The following RD3 variants were observed in gnomAD, a reference collection of about 807,000 sequenced individuals.
The protein encoded by RD3 is RD3 regulator of GUCY2D.
A neutral mutation model predicts 16.9 loss-of-function variants in RD3; 11 were observed. That is an observed-to-expected ratio of 0.65 (90% CI 0.41 to 1.08). The LOEUF (loss-of-function observed/expected upper bound fraction) is 1.08, where lower values mean the gene tolerates loss of function less well. RD3 is among the 50% of genes least tolerant of loss of function. The pLI, the probability that RD3 is intolerant of heterozygous loss-of-function variation, is 0.00. For missense variants in RD3, 274 were observed against 267.4 expected, an observed-to-expected ratio of 1.02 and a Z score of -0.17; for synonymous variants, 116 against 114.8, an observed-to-expected ratio of 1.01 and a Z score of -0.07.
intron 1 of RD3, among the ~76,000 whole-genome samples, chr1:211,483,682 G>T (rs1705320793): frequency 6.6e-6 from 1 of 151,942 alleles, no homozygotes; most frequent in Non-Finnish European, 1.5e-5. Context: ...TGTGTGTACT[G>T]GGGGGTGGGA....
intron 1 of RD3, 108 bp from the exon 2 acceptor site, chr1:211,481,534 G>A: frequency 1.0e-6 from 1 of 996,424 alleles, no homozygotes; most frequent in Non-Finnish European, 1.5e-6. Flanking sequence ...CAGGAGAGAA[G>A]ACCTGCTCTG....
intron 1 of RD3, among the ~76,000 whole-genome samples, chr1:211,487,047 T>G (rs957813811): frequency 2.0e-5 from 3 of 152,154 alleles, no homozygotes; most frequent in African/African-American, 7.2e-5. Context: ...CATTTGGACA[T>G]GCTGAGCTGA....
intron 1 of RD3, among the ~76,000 whole-genome samples, chr1:211,483,369 G>A (rs1012137555): frequency 1.3e-5 from 2 of 149,754 alleles, no homozygotes; most frequent in African/African-American, 5.1e-5. Context: ...GGCTGAGGCA[G>A]GAGAATTGCT....
At chr1:211,490,791 A>G (rs2088734035) in intron 1 of RD3, among the ~76,000 whole-genome samples, 1 of 152,054 alleles carries the variant, frequency 6.6e-6, no homozygotes, top group Non-Finnish European at 1.5e-5. Context: ...CTCAAGAGAC[A>G]ACTCCTCCCT....
At chr1:211,489,789 G>C (rs762192931) in intron 1 of RD3, among the ~76,000 whole-genome samples, 5 of 152,086 alleles carry the variant, frequency 3.3e-5, no homozygotes, top group Non-Finnish European at 7.4e-5. Context: ...TCTGGTCACC[G>C]TGTTGGGAGA....
rs886045895 is a variant in RD3 at position 211,477,481 on chromosome 1, A to G, written c.*1555T>C. 1 of 151,988 alleles carries G rather than the reference A, an allele frequency of 6.6e-6. No individual in the cohort carries two copies. Among genetic ancestry groups the G allele is most frequent in the Non-Finnish European group, 1.5e-5 (1 of 67,996 alleles). The allele number at this position is 151,988 out of a possible 1,614,324, so 9.4% of individuals were successfully genotyped here. On this transcript the variant is annotated 3_prime_UTR_variant, in exon 3 of 3. Transcript: ENST00000680073. Reference sequence around the variant, plus strand: ...AAAAAAAAAAAAAAGTTTGGCAACCAAGTGAACTTTTTATGTCTTCAAATA... The same window carrying G: ...AAAAAAAAAAAAAAGTTTGGCAACCGAGTGAACTTTTTATGTCTTCAAATA...
intron 2 of RD3, 43 bp from the exon 3 acceptor site, chr1:211,479,370 G>A (rs1163035325): frequency 2.6e-6 from 4 of 1,562,896 alleles, no homozygotes; most frequent in Non-Finnish European, 3.5e-6. Context: ...ACCCACAACA[G>A]CGGGTCTGGC....
chr1:211,484,285 A>G (rs999777244), intron 1 of RD3, among the ~76,000 whole-genome samples: 6 of 152,202 alleles, frequency 3.9e-5, no homozygotes, highest in African/African-American at 1.4e-4. Flanking sequence ...TGAATGAATG[A>G]ATGCCCGAAC....
rs1374882349 is a variant in RD3, at chr1:211,479,047, T to C, written c.577A>G (p.Lys193Glu). The C allele has an allele frequency of 2.5e-6, 4 of 1,599,748 alleles. No individual in the cohort carries two copies. The South Asian group carries it at 4.4e-5, about 18-fold the overall frequency. ...GGAAGCGGCCGGGGTCAGTCGGCTT[T>C]GGGCGCCCGGAATTCGGGCATGCTC... ...SWSMPEFRAPKAD is the reference protein window; with the variant it reads ...SWSMPEFRAPEAD Residue 193 changes from lysine (K) to glutamate (E), a missense_variant, in exon 3 of 3, where the codon AAA becomes GAA. Coordinates refer to ENST00000680073, the MANE Select transcript of RD3 (RefSeq NM_001164688.2).
chr1:211,481,481 G>A, intron 1 of RD3, 55 bp from the exon 2 acceptor site: 1 of 1,549,144 alleles, frequency 6.5e-7, no homozygotes. Context: ...TAGTCAGAGT[G>A]GGGAACCTGG....
rs1490930987 is a variant in RD3 at position 211,478,725 on chromosome 1, G to T, written c.*311C>A. 2.6e-6 allele frequency: 1 copy of T among 388,406 alleles called. No homozygotes were observed. Among genetic ancestry groups the T allele is most frequent in the Non-Finnish European group, 4.6e-6 (1 of 216,126 alleles). The allele number at this position is 388,406 out of a possible 1,614,324, so 24.1% of individuals were successfully genotyped here. A position where few individuals can be genotyped will look rare whatever the true frequency, so the allele number is the denominator to read the frequency against. ...ACTGTCCCCTTTTAGACAGAACCAG[G>T]AGATGAGGATGGGGCAATGGTCTGT... On this transcript the variant is annotated 3_prime_UTR_variant, in exon 3 of 3. Transcript: ENST00000680073.
In RD3 at chr1:211,478,661, A is replaced by C; in HGVS notation, c.*375T>G. 1 of 251,360 alleles carries C rather than the reference A, an allele frequency of 4.0e-6. No homozygotes were observed. Among genetic ancestry groups the C allele is most frequent in the Non-Finnish European group, 7.6e-6 (1 of 132,236 alleles). The allele number at this position is 251,360 out of a possible 1,614,324, so 15.6% of individuals were successfully genotyped here. A position where few individuals can be genotyped will look rare whatever the true frequency, so the allele number is the denominator to read the frequency against. On this transcript the variant is annotated 3_prime_UTR_variant, in exon 3 of 3. Transcript: ENST00000680073. ...GGGGGGTGAATGGGACATCCCTGAA[A>C]TTGGGGTGAGAACCTAGGTCTTGCC...
intron 1 of RD3, among the ~76,000 whole-genome samples, chr1:211,486,728 G>T (rs1296234038): frequency 1.3e-5 from 2 of 150,130 alleles, no homozygotes; most frequent in Non-Finnish European, 3.0e-5. Flanking sequence ...CTGTAATCCC[G>T]GCTACTTGGG....
chr1:211,481,759 C>T (rs189601205), intron 1 of RD3, among the ~76,000 whole-genome samples: 1 of 152,338 alleles, frequency 6.6e-6, no homozygotes, highest in African/African-American at 2.4e-5. Flanking sequence ...TCCTCACTAA[C>T]TCCCAACAAA....
At chr1:211,484,602 C>G (rs577256164) in intron 1 of RD3, among the ~76,000 whole-genome samples, 1 of 152,348 alleles carries the variant, frequency 6.6e-6, no homozygotes, top group South Asian at 2.1e-4. Context: ...AGCTAACAAA[C>G]TATTAAATAA....
chr1:211,483,302 G>C (rs1245796293), intron 1 of RD3, among the ~76,000 whole-genome samples: 1 of 151,752 alleles, frequency 6.6e-6, no homozygotes, highest in Non-Finnish European at 1.5e-5. Context: ...TCTCTACTAA[G>C]AATACAAAAA....
At chr1:211,483,537 G>C (rs909053861) in intron 1 of RD3, among the ~76,000 whole-genome samples, 32 of 152,172 alleles carry the variant, frequency 2.1e-4, no homozygotes, top group African/African-American at 7.5e-4. Context: ...AGATTACACA[G>C]CTGACCGCTT....
Position 211,478,632 on chromosome 1 carries a change from G to A in RD3, c.*404C>T, listed in dbSNP as rs1347415622. 4.2e-6 allele frequency: 1 copy of A among 236,548 alleles called. No homozygotes were observed. Among genetic ancestry groups the A allele is most frequent in the East Asian group, 9.0e-5 (1 of 11,098 alleles). 14.7% of individuals were successfully genotyped at this position (236,548 alleles called of 1,614,324 possible). On this transcript the variant is annotated 3_prime_UTR_variant, in exon 3 of 3. Coordinates refer to ENST00000680073, the MANE Select transcript of RD3 (RefSeq NM_001164688.2). ...CAGGTCCCTTCTCATTGGGGATGGG[G>A]GTAGGGGGGTGAATGGGACATCCCT...
In RD3 at chr1:211,477,082, T is replaced by C. The variant is rs1705160769; in HGVS notation, c.*1954A>G. On this transcript the variant is annotated 3_prime_UTR_variant, in exon 3 of 3. Transcript: ENST00000680073. ...GTTGTTCTTATTGTTATGATTAAAGTGCAAACCAAGAAAACTTAAGTGTAG... is the reference window on the plus strand; with the variant it reads ...GTTGTTCTTATTGTTATGATTAAAGCGCAAACCAAGAAAACTTAAGTGTAG... 6.6e-6 allele frequency: 1 copy of C among 152,008 alleles called. No homozygotes were observed. The highest frequency in any genetic ancestry group is 2.1e-4 in the South Asian group (1 of 4,822). The allele number at this position is 152,008 out of a possible 1,614,324, so 9.4% of individuals were successfully genotyped here.
Sources: allele counts gnomAD v4.1 joint callset (sites outside exome capture counted in the v4.1 genomes callset), GRCh38; gene constraint gnomAD v4.1.1; transcripts MANE v1.5; gene names NCBI Gene and HGNC (gene_info 2026-07-23, HGNC 2026-07-21).